DISP3: variants seen among roughly 807,000 people sequenced by gnomAD.
DISP3 encodes protein dispatched homolog 3.
In DISP3, 101 loss-of-function variants were observed where a neutral mutation model predicts 135.3. The ratio of observed to expected loss-of-function variants is 0.75; its 90% CI spans 0.64 to 0.88. DISP3 has a LOEUF of 0.88. Ranked by LOEUF, DISP3 falls within the 40% of genes least tolerant of loss-of-function variation. DISP3 has a pLI of 0.00. For missense variants in DISP3, 1,713 were observed against 1,878.6 expected, an observed-to-expected ratio of 0.91 and a Z score of 1.63; for synonymous variants, 856 against 817.0, an observed-to-expected ratio of 1.05 and a Z score of -0.81.
At position 11,536,992 on chromosome 1, in the gene DISP3, G is replaced by A; in HGVS notation, c.*306G>A. ...CATGGGGGTCAGGTTATTTTTGTAG[G>A]GGGTCTCCCTCTCACACTGCCTCAG... On this transcript the variant is annotated 3_prime_UTR_variant, in exon 21 of 21. Coordinates refer to ENST00000294484, the MANE Select transcript of DISP3 (RefSeq NM_020780.2). The surrounding 1 kb of genome is among the most constrained non-coding windows in gnomAD (Gnocchi z 4.3). 2.5e-6 allele frequency: 1 copy of A among 402,474 alleles called. No individual in the cohort carries two copies. The highest frequency in any genetic ancestry group is 4.5e-6 in the Non-Finnish European group (1 of 222,820). The allele number at this position is 402,474 out of a possible 1,614,324, so 24.9% of individuals were successfully genotyped here.
intron 4 of DISP3, 86 bp from the exon 5 acceptor site, chr1:11,515,283 G>A (rs761000598): frequency 2.0e-6 from 3 of 1,521,234 alleles, no homozygotes; most frequent in Non-Finnish European, 2.7e-6. Flanking sequence ...GAAGAGACAG[G>A]ACCCAGCTGA....
Position 11,536,708 on chromosome 1 carries a change from T to G in DISP3, c.*22T>G. Reference sequence around the variant, plus strand: ...ATAGCCCGGGACGGGCTCTGGACACTTGCACCTTTGGTCCCATGGGTGGGG... The same window carrying G: ...ATAGCCCGGGACGGGCTCTGGACACGTGCACCTTTGGTCCCATGGGTGGGG... On this transcript the variant is annotated 3_prime_UTR_variant, in exon 21 of 21. Transcript: ENST00000294484. The surrounding 1 kb of genome is among the most constrained non-coding windows in gnomAD (Gnocchi z 4.3). The G allele has an allele frequency of 6.6e-7, 1 of 1,508,460 alleles. No individual in the cohort carries two copies. The highest frequency in any genetic ancestry group is 8.8e-7 in the Non-Finnish European group (1 of 1,130,498). The allele number at this position is 1,508,460 out of a possible 1,614,324, so 93.4% of individuals were successfully genotyped here.
Position 11,529,552 on chromosome 1 carries a change from A to G in DISP3, c.2799-4A>G, listed in dbSNP as rs1226115580. The G allele has an allele frequency of 6.5e-7, 1 of 1,548,876 alleles. No individual in the cohort carries two copies. The highest frequency in any genetic ancestry group is 8.7e-7 in the Non-Finnish European group (1 of 1,145,238). On this transcript the variant is annotated splice_polypyrimidine_tract_variant and splice_region_variant and intron_variant, in intron 13 of 20. Transcript: ENST00000294484. The surrounding 1 kb of genome is among the most constrained non-coding windows in gnomAD (Gnocchi z 4.7). ...CCTCAGCCCAGCCTCCATTCCCTCCACAGGAAGCTGTACTTCGCCCAGTCC... is the reference window on the plus strand; with the variant it reads ...CCTCAGCCCAGCCTCCATTCCCTCCGCAGGAAGCTGTACTTCGCCCAGTCC...
rs145607697 is a variant in DISP3 at position 11,512,081 on chromosome 1, G to A, written c.1317-2309G>A. Among the ~76,000 whole-genome samples, 172 of 152,266 alleles carry A rather than the reference G, an allele frequency of 1.1e-3. 1 individual carries two copies. The highest frequency in any genetic ancestry group is 4.0e-3 in the African/African-American group (167 of 41,560). ...CGTGGGGACCCTGGGCCTGACCCAT[G>A]AAACCAATTCTTCCTCCTGGGCCTT... On this transcript the variant is annotated intron_variant, in intron 3 of 20. Transcript: ENST00000294484.
rs1557617734 is a variant in DISP3 at position 11,525,220 on chromosome 1, C to A, written c.2521C>A (p.His841Asn). The change falls in exon 12 of 21, where the codon CAC becomes AAC. Residue 841 changes from histidine (H) to asparagine (N), a missense_variant. By Grantham distance (68) the His-to-Asn change is moderately conservative (BLOSUM62 1). Coordinates refer to ENST00000294484, the MANE Select transcript of DISP3 (RefSeq NM_020780.2). ...CATCTCTAAAGTGAAGAGTCAAGGC[C>A]ACCCCGCTGTCTACAGGCTCTCCCT... Reference protein sequence around the residue: ...VYISKVKSQGHPAVYRLSLNA... With the variant: ...VYISKVKSQGNPAVYRLSLNA... The A allele has an allele frequency of 6.2e-7, 1 of 1,613,950 alleles. No individual in the cohort carries two copies. The highest frequency in any genetic ancestry group is 8.5e-7 in the Non-Finnish European group (1 of 1,179,958).
In DISP3 at chr1:11,525,261, TGCTCCTTGG is replaced by T; in HGVS notation, c.2563_2571del (p.Ala855_Trp857del). 1 of 1,614,074 alleles carries T rather than the reference TGCTCCTTGG, an allele frequency of 6.2e-7. No individual in the cohort carries two copies. The highest frequency in any genetic ancestry group is 8.5e-7 in the Non-Finnish European group (1 of 1,179,960). On this transcript the variant is annotated inframe_deletion, in exon 12 of 21. Coordinates refer to ENST00000294484, the MANE Select transcript of DISP3 (RefSeq NM_020780.2). ...GGCTCTCCCTCAATGCCAGCCTGCCTGCTCCTTGGCAGGCTGTGTCGCCTGGGGATGGAG... is the reference window on the plus strand; with the variant it reads ...GGCTCTCCCTCAATGCCAGCCTGCCTCAGGCTGTGTCGCCTGGGGATGGAG...
chr1:11,520,613 C>G lies in DISP3; in HGVS notation c.2201-74C>G. On this transcript the variant is annotated intron_variant, in intron 9 of 20. Coordinates refer to ENST00000294484, the MANE Select transcript of DISP3 (RefSeq NM_020780.2). This position sits in a 1 kb window ranked among gnomAD's most constrained non-coding sequence, Gnocchi z 4.8. ...CCCAACAACCAGAGCAGTTGTCTCC[C>G]GGCACTTTGGAGCCCCACTGGGAAC... 6.5e-7 allele frequency: 1 copy of G among 1,527,318 alleles called. No individual in the cohort carries two copies. The highest frequency in any genetic ancestry group is 8.9e-7 in the Non-Finnish European group (1 of 1,122,068). The allele number at this position is 1,527,318 out of a possible 1,614,324, so 94.6% of individuals were successfully genotyped here.
At position 11,520,565 on chromosome 1, in the gene DISP3, C is replaced by T; in HGVS notation, c.2201-122C>T. ...ACGGGCTGGCATGCAGGGCCTTCCC[C>T]CGCACCCTTAGGACACCCGCCCCCC... On this transcript the variant is annotated intron_variant, in intron 9 of 20. Transcript: ENST00000294484. This position sits in a 1 kb window ranked among gnomAD's most constrained non-coding sequence, Gnocchi z 4.8. The T allele has an allele frequency of 2.6e-6, 3 of 1,136,396 alleles. No homozygotes were observed. Among genetic ancestry groups the T allele is most frequent in the Non-Finnish European group, 3.7e-6 (3 of 805,294 alleles). 70.4% of individuals were successfully genotyped at this position (1,136,396 alleles called of 1,614,324 possible). A position where few individuals can be genotyped will look rare whatever the true frequency, so the allele number is the denominator to read the frequency against.
chr1:11,536,812 G>A lies in DISP3; in HGVS notation c.*126G>A. ...CCCAGGGCGCCCTGCGGGCCAGCGT[G>A]GAGGCTGACACCCACACAGATGGTG... On this transcript the variant is annotated 3_prime_UTR_variant, in exon 21 of 21. Transcript: ENST00000294484. This position sits in a 1 kb window ranked among gnomAD's most constrained non-coding sequence, Gnocchi z 4.3. 4.8e-6 allele frequency: 6 copies of A among 1,244,036 alleles called. No homozygotes were observed. In the South Asian group the frequency reaches 8.0e-5, roughly 17 times the overall value. 77.1% of individuals were successfully genotyped at this position (1,244,036 alleles called of 1,614,324 possible).
In DISP3 at chr1:11,520,696, T is replaced by C; in HGVS notation, c.2210T>C (p.Val737Ala). Residue 737 changes from valine to alanine, a missense_variant, in exon 10 of 21, where the codon GTC becomes GCC. By Grantham distance (64) the Val-to-Ala change is moderately conservative. Around this residue, in one of 2 missense-constraint regions of DISP3, gnomAD observed 1,142 missense variants for 1,384.6 expected, o/e 0.82. Transcript: ENST00000294484. This position sits in a 1 kb window ranked among gnomAD's most constrained non-coding sequence, Gnocchi z 4.8. ...CGCCCTTTCCTCACAGGGCTGTTCG[T>C]CTCCATCCTCATCTTGTCCCTGGTG... The part of the protein sequence containing the change: ...KSRWVIVGLF[V>A]SILILSLVFA... 6.2e-7 allele frequency: 1 copy of C among 1,613,162 alleles called. No individual in the cohort carries two copies. Among genetic ancestry groups the C allele is most frequent in the Non-Finnish European group, 8.5e-7 (1 of 1,179,902 alleles).
intron 3 of DISP3, among the ~76,000 whole-genome samples, chr1:11,510,781 C>T (rs1388203326): frequency 6.6e-6 from 1 of 151,908 alleles, no homozygotes; most frequent in African/African-American, 2.4e-5. Flanking sequence ...CCAGCCTGGG[C>T]AACATAATGA....
intron 1 of DISP3, among the ~76,000 whole-genome samples, chr1:11,484,858 A>G (rs1014933983): frequency 1.1e-4 from 17 of 152,174 alleles, no homozygotes; most frequent in Non-Finnish European, 2.4e-4. Context: ...GTCCTGGGAG[A>G]TAGTGTCCAG....
At chr1:11,482,911 A>C (rs1017716339) in intron 1 of DISP3, among the ~76,000 whole-genome samples, 1 of 152,246 alleles carries the variant, frequency 6.6e-6, no homozygotes, top group Non-Finnish European at 1.5e-5. Flanking sequence ...CACCCTTCCA[A>C]GCTAGATTCC....
At chr1:11,521,124 G>T (rs907969756) in intron 10 of DISP3, among the ~76,000 whole-genome samples, 4 of 152,090 alleles carry the variant, frequency 2.6e-5, no homozygotes, top group South Asian at 2.1e-4. Flanking sequence ...CACTGTAATA[G>T]TAGATCTGAG....
chr1:11,486,915 G>C (rs1005444336), intron 1 of DISP3, among the ~76,000 whole-genome samples: 2 of 152,228 alleles, frequency 1.3e-5, no homozygotes, highest in Non-Finnish European at 2.9e-5. Context: ...CTGGGCTCAA[G>C]TGATCTGCCT....
At chr1:11,522,617 G>GGCCC (rs1642240986) in intron 10 of DISP3, among the ~76,000 whole-genome samples, 8 of 113,080 alleles carry the variant, frequency 7.1e-5, no homozygotes, top group Admixed American at 1.7e-4. Flanking sequence ...GCCCAGCCAG[G>GGCCC]ACCCAGCCAG....
intron 1 of DISP3, among the ~76,000 whole-genome samples, chr1:11,482,272 T>C (rs1456512280): frequency 6.6e-6 from 1 of 152,060 alleles, no homozygotes; most frequent in Non-Finnish European, 1.5e-5. Context: ...GAGAGCAGCT[T>C]TAGAGGTCCT....
chr1:11,511,154 A>G (rs1404093077), intron 3 of DISP3, among the ~76,000 whole-genome samples: 1 of 152,216 alleles, frequency 6.6e-6, no homozygotes, highest in African/African-American at 2.4e-5. Flanking sequence ...CAGCCAAATC[A>G]TATCATTCCA....
intron 3 of DISP3, among the ~76,000 whole-genome samples, chr1:11,512,946 C>G (rs898995966): frequency 6.6e-6 from 1 of 152,124 alleles, no homozygotes; most frequent in Admixed American, 6.5e-5. Context: ...ATAAACCCAT[C>G]AGATCTCGTG....
Sources: gnomAD v4.1 joint callset for allele counts (sites outside exome capture counted in the v4.1 genomes callset) on GRCh38, gnomAD v4.1.1 for gene constraint, gnomAD v4.1.1 regional missense constraint, Gnocchi (gnomAD v3.1) non-coding constraint, MANE v1.5 for transcripts, NCBI Gene and HGNC (gene_info 2026-07-23, HGNC 2026-07-21) for gene names.